Variants in PFKM observed in about 807,000 individuals in gnomAD.
PFKM encodes the protein ATP-dependent 6-phosphofructokinase, muscle type.
A neutral mutation model predicts 95.5 loss-of-function variants in PFKM; 58 were observed. The ratio of observed to expected loss-of-function variants is 0.61; its 90% CI spans 0.49 to 0.76. The LOEUF is 0.76. Ranked by LOEUF, PFKM falls within the 30% of genes least tolerant of loss-of-function variation. The pLI is 0.00. For missense variants in PFKM, 678 were observed against 1,005.4 expected (o/e 0.67, Z 4.40); for synonymous variants, 336 against 357.2 (o/e 0.94, Z 0.67).
chr12:48,142,486 C>T, intron 17 of PFKM: 3 of 465,486 alleles, frequency 6.4e-6, no homozygotes, highest in Non-Finnish European at 1.2e-5. Flanking sequence ...TAGAAATGCA[C>T]CAGTACCCTG....
At chr12:48,114,037 C>T (rs1947448228) in intron 3 of PFKM, among the ~76,000 whole-genome samples, 1 of 152,064 alleles carries the variant, frequency 6.6e-6, no homozygotes, top group South Asian at 2.1e-4. Context: ...GGCAGGAAAC[C>T]ATGTAGTCTC....
intron 4 of PFKM, 118 bp from the exon 5 acceptor site, chr12:48,132,750 G>T: frequency 1.2e-6 from 1 of 863,210 alleles, no homozygotes; most frequent in Non-Finnish European, 1.9e-6. Context: ...TCTTAAGGAT[G>T]TCAAGGAACT....
At chr12:48,122,950 G>C in intron 2 of PFKM, 91 bp downstream of exon 2, 1 of 1,308,474 alleles carries the variant, frequency 7.6e-7, no homozygotes, top group Non-Finnish European at 1.1e-6. Context: ...TCTTCTGTAG[G>C]TTCACGGGAA....
intron 12 of PFKM, chr12:48,139,624 T>G: frequency 1.6e-6 from 1 of 629,452 alleles, no homozygotes; most frequent in African/African-American, 1.8e-5. Context: ...AGGGACAGTC[T>G]CTTGTGCTGA....
At chr12:48,108,162 A>G (rs1486845018) in exon 3 of PFKM, 3 of 1,599,158 alleles carry the variant, frequency 1.9e-6, no homozygotes, top group Admixed American at 3.3e-5. Context: ...GATGATCCAG[A>G]CACCGTGGGA....
At chr12:48,135,585 G>A (rs1250270772) in intron 10 of PFKM, among the ~76,000 whole-genome samples, 4 of 152,130 alleles carry the variant, frequency 2.6e-5, no homozygotes, top group African/African-American at 9.7e-5. Context: ...GAGAGACTAC[G>A]CCTTCCTAAT....
rs112163675 is a variant in PFKM, at chr12:48,135,385, T to G, written c.936+2T>G. 6.2e-7 allele frequency: 1 copy of G among 1,607,962 alleles called. No individual in the cohort carries two copies. The highest frequency in any genetic ancestry group is 1.3e-5 in the African/African-American group (1 of 74,918). ...CCATCAGCCTTTGACAGAATTCTGG[T>G]AAGTCACTGGGCTGTGTGGCCCTCA... is the stretch of plus-strand genomic sequence containing the variant. On this transcript the variant is annotated splice_donor_variant, in intron 10 of 22. Coordinates refer to ENST00000359794, the MANE Select transcript of PFKM (RefSeq NM_000289.6). LOFTEE classifies it high-confidence loss of function.
At chr12:48,110,916 C>T (rs1321376418) in intron 3 of PFKM, among the ~76,000 whole-genome samples, 1 of 152,144 alleles carries the variant, frequency 6.6e-6, no homozygotes, top group African/African-American at 2.4e-5. Flanking sequence ...GGGTGTGAGT[C>T]ATCTAGGCTG....
chr12:48,132,205 C>T, intron 4 of PFKM: 3 of 387,154 alleles, frequency 7.7e-6, no homozygotes, highest in Admixed American at 6.9e-5. Flanking sequence ...ATACTTACCT[C>T]TCTCAGGTAA....
intron 17 of PFKM, 124 bp downstream of exon 17, chr12:48,142,190 C>G (rs1017470553): frequency 1.9e-6 from 2 of 1,042,250 alleles, no homozygotes; most frequent in African/African-American, 3.1e-5. Context: ...AATGATTCTT[C>G]AGCTGGGCAT....
upstream of PFKM, chr12:48,105,361 C>T: frequency 1.9e-6 from 1 of 518,870 alleles, no homozygotes; most frequent in Non-Finnish European, 3.8e-6. Context: ...CCAGAGATCA[C>T]GTTAGGGTAC....
chr12:48,139,333 C>G lies in PFKM; in HGVS notation c.1111C>G (p.Leu371Val). 1 of 1,613,740 alleles carries G rather than the reference C, an allele frequency of 6.2e-7. No individual in the cohort carries two copies. The highest frequency in any genetic ancestry group is 8.5e-7 in the Non-Finnish European group (1 of 1,179,760). ...GGATGAGAAGAAATTTGACGAAGCC[C>G]TGAAGCTGAGAGGCCGGTGAGGAGA... Reference protein sequence around the residue: ...AMDEKKFDEALKLRGRSFMNN... With the variant: ...AMDEKKFDEAVKLRGRSFMNN... The change falls in exon 12 of 23, where the codon CTG (leucine) becomes GTG (valine). Residue 371 changes from leucine to valine, a missense_variant. Physicochemically the swap from Leu to Val is conservative, Grantham distance 32. Coordinates refer to ENST00000359794, the MANE Select transcript of PFKM (RefSeq NM_000289.6).
At position 48,139,898 on chromosome 12, in the gene PFKM, C is replaced by T. The variant is rs552947769; in HGVS notation, c.1177C>T (p.Pro393Ser). The T allele has an allele frequency of 1.2e-5, 19 of 1,609,956 alleles. No individual in the cohort carries two copies. The East Asian group carries it at 2.9e-4, about 25-fold the overall frequency. ...GTACAAGCTTCTAGCTCATGTCAGA[C>T]CCCCGGTATCTAAGGTACTGGCAAG... ...EVYKLLAHVR[P>S]PVSKSGSHTV... Residue 393 changes from proline (P) to serine (S), a missense_variant, in exon 13 of 23, where the codon CCC becomes TCC. Physicochemically the swap from Pro to Ser is moderately conservative, Grantham distance 74. Coordinates refer to ENST00000359794, the MANE Select transcript of PFKM (RefSeq NM_000289.6).
chr12:48,132,341 T>C (rs1188815461), intron 4 of PFKM: 1 of 292,724 alleles, frequency 3.4e-6, no homozygotes, highest in Non-Finnish European at 6.6e-6. Context: ...ATATTGCAGC[T>C]TCTGCTGCTA....
chr12:48,118,033 A>G (rs1947830125), upstream of PFKM, among the ~76,000 whole-genome samples: 1 of 152,258 alleles, frequency 6.6e-6, no homozygotes. Flanking sequence ...CCAAGGTTTT[A>G]TCAGGTGGAC....
intron 3 of PFKM, among the ~76,000 whole-genome samples, chr12:48,112,001 G>A (rs1012610159): frequency 6.6e-5 from 10 of 152,280 alleles, no homozygotes; most frequent in East Asian, 1.9e-4. Flanking sequence ...AGCGGCAGCC[G>A]CTGCACAGAG....
chr12:48,107,385 C>G, exon 2 of PFKM: 1 of 1,596,928 alleles, frequency 6.3e-7, no homozygotes, highest in Non-Finnish European at 8.5e-7. Flanking sequence ...TGCATAAAGA[C>G]GAGTTTCATC....
Position 48,131,230 on chromosome 12 carries a change from G to A in PFKM, c.160-86G>A, listed in dbSNP as rs543802176. On this transcript the variant is annotated intron_variant, in intron 3 of 22. Transcript: ENST00000359794. ...ATGGGAGGAGGTGGCTTGACTCTCA[G>A]AGAATCTCTTCCCAGGGATCCTGTC... The A allele has an allele frequency of 6.3e-6, 6 of 952,158 alleles. No homozygotes were observed. The South Asian group carries it at 7.8e-5, about 12-fold the overall frequency. The allele number at this position is 952,158 out of a possible 1,614,324, so 59.0% of individuals were successfully genotyped here.
Position 48,139,348 on chromosome 12 carries a change from C to T in PFKM, c.1126C>T (p.Arg376Trp), listed in dbSNP as rs773751749. ...TGACGAAGCCCTGAAGCTGAGAGGCCGGTGAGGAGATGACGGGAAGCTCAC... is the reference window on the plus strand; with the variant it reads ...TGACGAAGCCCTGAAGCTGAGAGGCTGGTGAGGAGATGACGGGAAGCTCAC... ...KFDEALKLRG[R>W]SFMNNWEVYK... The change falls in exon 12 of 23, where the codon CGG becomes TGG. Residue 376 changes from arginine (R) to tryptophan (W), a missense_variant and splice_region_variant. Physicochemically the swap from Arg to Trp is moderately radical, Grantham distance 101. Coordinates refer to ENST00000359794, the MANE Select transcript of PFKM (RefSeq NM_000289.6). The T allele has an allele frequency of 1.4e-5, 22 of 1,611,916 alleles. No homozygotes were observed. Among genetic ancestry groups the T allele is most frequent in the South Asian group, 5.5e-5 (5 of 91,026 alleles).
Sources: allele counts gnomAD v4.1 joint callset (sites outside exome capture counted in the v4.1 genomes callset), GRCh38; gene constraint gnomAD v4.1.1; transcripts MANE v1.5; gene names NCBI Gene and HGNC (gene_info 2026-07-23, HGNC 2026-07-21).